The following PSPC1 variants were observed in gnomAD, a reference collection of about 807,000 sequenced individuals.
PSPC1 encodes paraspeckle protein 1.
PSPC1 carries 14 observed loss-of-function variants against 51.6 expected under a neutral mutation model. The ratio of observed to expected loss-of-function variants is 0.27; its 90% CI spans 0.18 to 0.42. The LOEUF (loss-of-function observed/expected upper bound fraction) is 0.42, where lower values mean the gene tolerates loss of function less well. Ranked by LOEUF, PSPC1 falls within the 10% of genes least tolerant of loss-of-function variation. The pLI is 1.00. For synonymous variants in PSPC1, 193 were observed against 231.9 expected (o/e 0.83, Z 1.53); for missense variants, 406 against 701.1 (o/e 0.58, Z 4.75).
Position 19,782,543 on chromosome 13 carries a change from T to C in PSPC1, c.215A>G (p.Lys72Arg). 2 of 1,613,074 alleles carry C rather than the reference T, an allele frequency of 1.2e-6. No homozygotes were observed. Among genetic ancestry groups the C allele is most frequent in the Non-Finnish European group, 1.7e-6 (2 of 1,179,566 alleles). Residue 72 changes from lysine (K) to arginine (R), a missense_variant, in exon 1 of 9, where the codon AAG becomes AGG. Around this residue, in one of 5 missense-constraint regions of PSPC1, gnomAD observed 128 missense variants for 107.1 expected, o/e 1.20. Coordinates refer to ENST00000338910, the MANE Select transcript of PSPC1 (RefSeq NM_001354909.2). The surrounding 1 kb of genome is among the most constrained non-coding windows in gnomAD (Gnocchi z 4.5). ...GFTIDIKSFL[K>R]PGEKTYTQRC... ...CTGCGTGTACGTCTTCTCGCCCGGC[T>C]TGAGGAAACTCTTGATGTCGATAGT...
chr13:19,738,278 A>AT (rs372580212), intron 5 of PSPC1, among the ~76,000 whole-genome samples: 228 of 152,242 alleles, frequency 1.5e-3, no homozygotes, highest in African/African-American at 5.3e-3. Flanking sequence ...ATGATGAGAA[A>AT]TTTGAGTCTC....
downstream of PSPC1, among the ~76,000 whole-genome samples, chr13:19,702,188 C>G (rs978467491): frequency 1.3e-5 from 2 of 152,162 alleles, no homozygotes; most frequent in African/African-American, 2.4e-5. Flanking sequence ...ATGGTCCTAA[C>G]CCATCAGACA....
chr13:19,754,390 G>A (rs1023552306), intron 3 of PSPC1, among the ~76,000 whole-genome samples: 3 of 149,330 alleles, frequency 2.0e-5, no homozygotes, highest in African/African-American at 7.4e-5. Flanking sequence ...CCAGCCTTGT[G>A]AGCATTTTCT....
At chr13:19,773,675 C>CT (rs1429655108) in intron 1 of PSPC1, among the ~76,000 whole-genome samples, 1 of 151,422 alleles carries the variant, frequency 6.6e-6, no homozygotes, top group Non-Finnish European at 1.5e-5. Flanking sequence ...AGGGAGGTGT[C>CT]TGAGACAGGG....
Position 19,782,327 on chromosome 13 carries a change from C to A in PSPC1, c.372+59G>T, listed in dbSNP as rs2138421036. 1.3e-6 allele frequency: 2 copies of A among 1,517,000 alleles called. No homozygotes were observed. The highest frequency in any genetic ancestry group is 1.8e-6 in the Non-Finnish European group (2 of 1,135,518). The allele number at this position is 1,517,000 out of a possible 1,614,324, so 94.0% of individuals were successfully genotyped here. On this transcript the variant is annotated intron_variant, in intron 1 of 8. Transcript: ENST00000338910. This position sits in a 1 kb window ranked among gnomAD's most constrained non-coding sequence, Gnocchi z 4.5. ...TAGGACGAGGCTGGCCTCAGCCCCACGACCCCGCGGCCACCCCGACAGTCC... is the reference window on the plus strand; with the variant it reads ...TAGGACGAGGCTGGCCTCAGCCCCAAGACCCCGCGGCCACCCCGACAGTCC...
chr13:19,719,873 C>T (rs1343057160), intron 6 of PSPC1, among the ~76,000 whole-genome samples: 2 of 151,974 alleles, frequency 1.3e-5, no homozygotes, highest in Non-Finnish European at 2.9e-5. Context: ...AAGAGACGGG[C>T]CTCTCACTAT....
intron 6 of PSPC1, among the ~76,000 whole-genome samples, chr13:19,696,034 ACT>A (rs1593548761): frequency 6.6e-6 from 1 of 152,244 alleles, no homozygotes; most frequent in Middle Eastern, 3.4e-3. Context: ...GAGGAATCTG[ACT>A]CTGAACAGAA....
intron 6 of PSPC1, among the ~76,000 whole-genome samples, chr13:19,683,174 T>C (rs920389527): frequency 6.6e-6 from 1 of 152,160 alleles, no homozygotes; most frequent in African/African-American, 2.4e-5. Flanking sequence ...CTAGGAATTT[T>C]CCCCAAGAGG....
At chr13:19,722,089 T>C (rs998096493) in intron 6 of PSPC1, among the ~76,000 whole-genome samples, 11 of 152,326 alleles carry the variant, frequency 7.2e-5, no homozygotes, top group African/African-American at 2.4e-4. Context: ...GTAACTATAA[T>C]ATGACAAACA....
At chr13:19,698,469 A>C (rs1004732475), downstream of PSPC1, among the ~76,000 whole-genome samples, 1 of 151,958 alleles carries the variant, frequency 6.6e-6, no homozygotes, top group Non-Finnish European at 1.5e-5. Flanking sequence ...TATTGACTAA[A>C]TTTATATTAA....
intron 3 of PSPC1, among the ~76,000 whole-genome samples, chr13:19,752,446 T>C (rs1448136844): frequency 6.6e-6 from 1 of 152,106 alleles, no homozygotes; most frequent in Non-Finnish European, 1.5e-5. Flanking sequence ...ATATTTATTT[T>C]AGAGACATAT....
chr13:19,703,539 T>C (rs1157147438), intron 8 of PSPC1, among the ~76,000 whole-genome samples, 179 bp from the exon 9 acceptor site: 2 of 151,420 alleles, frequency 1.3e-5, no homozygotes, highest in Admixed American at 6.6e-5. Context: ...GTTACTATGT[T>C]TTTTTTAAAA....
At chr13:19,679,733 T>G (rs957008399) in intron 6 of PSPC1, among the ~76,000 whole-genome samples, 5 of 152,154 alleles carry the variant, frequency 3.3e-5, no homozygotes, top group African/African-American at 1.2e-4. Flanking sequence ...ATTTTGATAT[T>G]CATGGGGGCA....
At chr13:19,760,078 TTA>T (rs367702313) in intron 2 of PSPC1, among the ~76,000 whole-genome samples, 14 of 152,234 alleles carry the variant, frequency 9.2e-5, no homozygotes, top group African/African-American at 3.4e-4. Context: ...TGATTGATTT[TTA>T]TGAGTACAAA....
exon 7 of PSPC1, chr13:19,677,748 C>A (rs529334742): frequency 2.7e-5 from 13 of 474,552 alleles, no homozygotes; most frequent in African/African-American, 1.9e-4. Flanking sequence ...GATTCCAGTA[C>A]TTCTGGTCTT....
At chr13:19,717,082 G>A (rs779357597) in intron 6 of PSPC1, among the ~76,000 whole-genome samples, 3 of 151,668 alleles carry the variant, frequency 2.0e-5, no homozygotes, top group Non-Finnish European at 4.4e-5. Context: ...AAAGAAAATC[G>A]TTAGGAGCCA....
chr13:19,692,173 G>A (rs1400476537), intron 6 of PSPC1, among the ~76,000 whole-genome samples: 1 of 152,088 alleles, frequency 6.6e-6, no homozygotes, highest in East Asian at 1.9e-4. Flanking sequence ...GCCCAGGCTG[G>A]AGTGCAGTGG....
Position 19,741,254 on chromosome 13 carries a change from AAAT to A in PSPC1, c.1052+308_1052+310del, listed in dbSNP as rs1885407632. Among the ~76,000 whole-genome samples the A allele has an allele frequency of 1.3e-5, 2 of 152,214 alleles. 1 individual carries two copies. Among genetic ancestry groups the A allele is most frequent in the South Asian group, 4.1e-4 (2 of 4,834 alleles). ...AGTAGAGTTTTACACATAACAAAAT[AAAT>A]AAGAGCAACGCAAATATATCCATCT... On this transcript the variant is annotated intron_variant, in intron 5 of 8. Transcript: ENST00000338910.
downstream of PSPC1, among the ~76,000 whole-genome samples, chr13:19,699,117 T>C (rs979363222): frequency 6.6e-6 from 1 of 151,966 alleles, no homozygotes; most frequent in East Asian, 1.9e-4. Context: ...ATCATTAATA[T>C]TGTTATTCCA....
Sources: gnomAD v4.1 joint callset for allele counts (sites outside exome capture counted in the v4.1 genomes callset) on GRCh38, gnomAD v4.1.1 for gene constraint, gnomAD v4.1.1 regional missense constraint, Gnocchi (gnomAD v3.1) non-coding constraint, MANE v1.5 for transcripts, NCBI Gene and HGNC (gene_info 2026-07-23, HGNC 2026-07-21) for gene names.